RERG: variants seen among roughly 807,000 people sequenced by gnomAD.
RERG encodes RAS like estrogen regulated growth inhibitor.
RERG carries 25 observed loss-of-function variants against 23.2 expected under a neutral mutation model. The observed-to-expected ratio is 1.08, with a 90% CI of 0.79 to 1.50. The LOEUF is 1.50. Among genes scored for constraint, RERG ranks in the 40% most tolerant of loss-of-function variants. The pLI is 0.00. For missense variants in RERG, 253 were observed against 250.1 expected, an observed-to-expected ratio of 1.01 and a Z score of -0.08; for synonymous variants, 81 against 89.1, an observed-to-expected ratio of 0.91 and a Z score of 0.51.
At chr12:15,165,834 C>A (rs1172190406) in intron 2 of RERG, among the ~76,000 whole-genome samples, 3 of 152,180 alleles carry the variant, frequency 2.0e-5, no homozygotes, top group African/African-American at 4.8e-5. Flanking sequence ...TTGAAACCTG[C>A]CAATCCTAGG....
intron 4 of RERG, among the ~76,000 whole-genome samples, chr12:15,110,726 C>G (rs951414818): frequency 1.3e-5 from 2 of 152,042 alleles, no homozygotes; most frequent in African/African-American, 4.8e-5. Context: ...GATCTGCCAG[C>G]CTTGGCCTCC....
intron 2 of RERG, among the ~76,000 whole-genome samples, chr12:15,139,480 A>G (rs1484353074): frequency 6.6e-6 from 1 of 152,028 alleles, no homozygotes; most frequent in Non-Finnish European, 1.5e-5. Context: ...ATTTATTTAG[A>G]TCTTCTTTAT....
At chr12:15,159,371 G>A (rs1457438359) in intron 2 of RERG, among the ~76,000 whole-genome samples, 6 of 151,872 alleles carry the variant, frequency 4.0e-5, no homozygotes, top group Non-Finnish European at 8.8e-5. Context: ...TACCTTTTTC[G>A]TTCTCACATA....
chr12:15,138,432 A>G (rs531769474), intron 2 of RERG, among the ~76,000 whole-genome samples: 7 of 152,128 alleles, frequency 4.6e-5, no homozygotes, highest in African/African-American at 1.7e-4. Context: ...CCTTGAGCTC[A>G]GAGATTTTTT....
At chr12:15,133,418 A>G (rs1252027610) in intron 2 of RERG, among the ~76,000 whole-genome samples, 6 of 151,900 alleles carry the variant, frequency 3.9e-5, no homozygotes, top group Non-Finnish European at 5.9e-5. Flanking sequence ...TCATGGCTTG[A>G]GAGCTCCTTT....
chr12:15,215,274 G>A (rs1056512115), intron 2 of RERG, among the ~76,000 whole-genome samples: 5 of 152,172 alleles, frequency 3.3e-5, no homozygotes, highest in African/African-American at 1.2e-4. Flanking sequence ...TTGGGTGTGA[G>A]TAGCACTTCT....
At chr12:15,215,500 G>A (rs748802580) in intron 2 of RERG, among the ~76,000 whole-genome samples, 4 of 152,172 alleles carry the variant, frequency 2.6e-5, no homozygotes, top group Admixed American at 6.5e-5. Context: ...ATAGAAAGAA[G>A]TCTAAGAAGA....
At chr12:15,118,311 T>C (rs549308267) in intron 3 of RERG, among the ~76,000 whole-genome samples, 2 of 152,148 alleles carry the variant, frequency 1.3e-5, no homozygotes. Flanking sequence ...AATATTCTAA[T>C]TGAGTTAATA....
At chr12:15,154,545 TA>T (rs1280422749) in intron 2 of RERG, among the ~76,000 whole-genome samples, 8 of 152,198 alleles carry the variant, frequency 5.3e-5, no homozygotes, top group African/African-American at 1.9e-4. Flanking sequence ...GCCAAATAGC[TA>T]AAGTAACCTG....
chr12:15,141,973 C>T (rs575929990), intron 2 of RERG, among the ~76,000 whole-genome samples: 1 of 152,300 alleles, frequency 6.6e-6, no homozygotes, highest in South Asian at 2.1e-4. Flanking sequence ...CACTGTAGGT[C>T]TAGAAGTAGA....
At chr12:15,213,993 A>AGTGTGTGTGTGT (rs1450378236) in intron 2 of RERG, among the ~76,000 whole-genome samples, 1 of 89,326 alleles carries the variant, frequency 1.1e-5, no homozygotes, top group Non-Finnish European at 2.5e-5. Context: ...AAACAGAGAA[A>AGTGTGTGTGTGT]GTATGTGTGT....
chr12:15,184,966 G>C (rs1408904580), intron 2 of RERG, among the ~76,000 whole-genome samples: 1 of 152,120 alleles, frequency 6.6e-6, no homozygotes, highest in Non-Finnish European at 1.5e-5. Context: ...CAAAAAAGCA[G>C]CTCCAGTAAT....
intron 3 of RERG, among the ~76,000 whole-genome samples, chr12:15,111,948 T>C (rs1205741494): frequency 6.6e-6 from 1 of 152,152 alleles, no homozygotes; most frequent in Non-Finnish European, 1.5e-5. Flanking sequence ...AGTGCTGAGA[T>C]TACAGGCCTC....
At chr12:15,129,512 C>A (rs947795673) in intron 2 of RERG, among the ~76,000 whole-genome samples, 1 of 152,070 alleles carries the variant, frequency 6.6e-6, no homozygotes, top group East Asian at 1.9e-4. Context: ...ATTTATTGAC[C>A]ACTGTGCAAA....
intron 2 of RERG, among the ~76,000 whole-genome samples, chr12:15,122,356 C>T (rs1175949372): frequency 1.3e-5 from 2 of 152,152 alleles, no homozygotes; most frequent in Non-Finnish European, 2.9e-5. Context: ...TGCCTAGTCT[C>T]ACTTTTAGGA....
intron 2 of RERG, among the ~76,000 whole-genome samples, chr12:15,159,137 A>AT (rs1386539035): frequency 6.6e-6 from 1 of 152,002 alleles, no homozygotes; most frequent in Non-Finnish European, 1.5e-5. Flanking sequence ...CTCCCTGTTG[A>AT]TTTTTTTATA....
At chr12:15,175,168 T>G (rs574839847) in intron 2 of RERG, among the ~76,000 whole-genome samples, 1 of 151,872 alleles carries the variant, frequency 6.6e-6, no homozygotes, top group African/African-American at 2.4e-5. Flanking sequence ...ATTTGTTGTT[T>G]TTTTTTTTGT....
chr12:15,215,382 A>G (rs975735573), intron 2 of RERG, among the ~76,000 whole-genome samples: 2 of 152,174 alleles, frequency 1.3e-5, no homozygotes, highest in African/African-American at 4.8e-5. Context: ...AACCCATGAA[A>G]ACAGCTAGTT....
chr12:15,200,150 C>T (rs1007183181), intron 2 of RERG, among the ~76,000 whole-genome samples: 4 of 152,024 alleles, frequency 2.6e-5, no homozygotes, highest in African/African-American at 7.2e-5. Flanking sequence ...TGCTACATTG[C>T]ATAATTAAAG....
Sources: gnomAD v4.1 joint callset for allele counts (sites outside exome capture counted in the v4.1 genomes callset) on GRCh38, gnomAD v4.1.1 for gene constraint, MANE v1.5 for transcripts, NCBI Gene and HGNC (gene_info 2026-07-23, HGNC 2026-07-21) for gene names.